CDH8: variants seen among roughly 807,000 people sequenced by gnomAD.
CDH8 encodes the protein cadherin 8.
A neutral mutation model predicts 68.1 loss-of-function variants in CDH8; 17 were observed. The ratio of observed to expected loss-of-function variants is 0.25; its 90% CI spans 0.17 to 0.37. CDH8 has a LOEUF of 0.37. Ranked by LOEUF, CDH8 falls within the 10% of genes least tolerant of loss-of-function variation. CDH8 has a pLI of 1.00. For synonymous variants in CDH8, 372 were observed against 365.1 expected, an observed-to-expected ratio of 1.02 and a Z score of -0.21; for missense variants, 763 against 999.3, an observed-to-expected ratio of 0.76 and a Z score of 3.19.
At chr16:61,739,908 TATATGTA>T (rs202225482) in intron 8 of CDH8, among the ~76,000 whole-genome samples, 1,641 of 81,762 alleles carry the variant, frequency 0.02, 32 homozygotes, top group Non-Finnish European at 0.026. Flanking sequence ...TATATATATA[TATATGTA>T]TTTTTTTTTT....
At chr16:61,681,810 G>A (rs1455497702) in intron 10 of CDH8, among the ~76,000 whole-genome samples, 3 of 151,826 alleles carry the variant, frequency 2.0e-5, no homozygotes, top group Admixed American at 6.6e-5. Flanking sequence ...AGCTAAAATC[G>A]TGATCCTAAA....
At chr16:61,892,918 G>A (rs147214758) in intron 3 of CDH8, among the ~76,000 whole-genome samples, 1 of 152,270 alleles carries the variant, frequency 6.6e-6, no homozygotes, top group African/African-American at 2.4e-5. Flanking sequence ...AGCCTGAGTT[G>A]TCATTTTAGA....
At chr16:61,881,865 A>G (rs1249456880) in intron 3 of CDH8, among the ~76,000 whole-genome samples, 1 of 152,194 alleles carries the variant, frequency 6.6e-6, no homozygotes, top group Non-Finnish European at 1.5e-5. Context: ...GGAAGCATCA[A>G]ATCAGACACT....
At chr16:61,656,206 A>C (rs1044470513) in intron 10 of CDH8, among the ~76,000 whole-genome samples, 1 of 152,142 alleles carries the variant, frequency 6.6e-6, no homozygotes, top group Non-Finnish European at 1.5e-5. Context: ...CAGGACAACC[A>C]TAACAGGTTG....
intron 4 of CDH8, among the ~76,000 whole-genome samples, chr16:61,827,554 C>T (rs1484287233): frequency 6.6e-6 from 1 of 151,836 alleles, no homozygotes; most frequent in African/African-American, 2.4e-5. Context: ...GTCTCTTAGG[C>T]ATTTGGAATT....
chr16:61,917,921 C>CG lies in CDH8; in HGVS notation c.253-16449dup, dbSNP rs541806094. The stretch of plus-strand genomic sequence containing the variant: ...CGTAGAATAGTCCATAGACCCCTGG[C>CG]GATCTCTAAGACTCTTCCCAGGCAA... On this transcript the variant is annotated intron_variant, in intron 2 of 11. Coordinates refer to ENST00000577390, the MANE Select transcript of CDH8 (RefSeq NM_001796.5). 3.5e-3 allele frequency among the ~76,000 whole-genome samples: 509 copies of CG among 144,892 alleles called. 6 individuals carry two copies. Among genetic ancestry groups the CG allele is most frequent in the African/African-American group, 0.013 (483 of 37,774 alleles).
chr16:61,946,576 G>T (rs1374991974), intron 2 of CDH8, among the ~76,000 whole-genome samples: 1 of 152,164 alleles, frequency 6.6e-6, no homozygotes, highest in Non-Finnish European at 1.5e-5. Flanking sequence ...TCTCCTTTGA[G>T]GTAGGCAATA....
At chr16:61,864,823 TTAC>T (rs1476751647) in intron 3 of CDH8, among the ~76,000 whole-genome samples, 2 of 152,168 alleles carry the variant, frequency 1.3e-5, no homozygotes, top group African/African-American at 4.8e-5. Flanking sequence ...CTGCTCTGAA[TTAC>T]AGTTGGTTAA....
At chr16:61,671,211 A>T (rs181917060) in intron 10 of CDH8, among the ~76,000 whole-genome samples, 1 of 152,216 alleles carries the variant, frequency 6.6e-6, no homozygotes, top group African/African-American at 2.4e-5. Context: ...ATTTCTGGGG[A>T]TGGGCCCTGG....
In CDH8 at chr16:61,655,476, G is replaced by A. The variant is rs1963423547; in HGVS notation, c.1900C>T (p.Leu634=). 6.8e-6 allele frequency: 11 copies of A among 1,614,070 alleles called. No individual in the cohort carries two copies. Among genetic ancestry groups the A allele is most frequent in the Non-Finnish European group, 9.3e-6 (11 of 1,179,978 alleles). The part of the protein sequence containing the change: ...LIAILACIIL[L]LVIVVLFVTL... The stretch of plus-strand genomic sequence containing the variant: ...CTATGAAGGAAATACGTACCTAACA[G>A]CAAAATGATGCATGCTAATATGGCA... Residue 634 remains leucine, a synonymous_variant, in exon 11 of 12, where the codon CTG becomes TTG. Coordinates refer to ENST00000577390, the MANE Select transcript of CDH8 (RefSeq NM_001796.5).
chr16:61,983,931 TTTTC>T (rs1965582224), intron 2 of CDH8, among the ~76,000 whole-genome samples: 1 of 141,476 alleles, frequency 7.1e-6, no homozygotes, highest in Non-Finnish European at 1.6e-5. Context: ...TTATTTTATT[TTTTC>T]GAGACGGAAT....
intron 8 of CDH8, among the ~76,000 whole-genome samples, chr16:61,778,691 A>G (rs1161048906): frequency 1.3e-5 from 2 of 152,112 alleles, no homozygotes; most frequent in African/African-American, 4.8e-5. Flanking sequence ...CTATACCCAC[A>G]AGTTTAAAGA....
At chr16:61,697,235 G>T (rs1964344054) in intron 10 of CDH8, among the ~76,000 whole-genome samples, 1 of 152,012 alleles carries the variant, frequency 6.6e-6, no homozygotes, top group Admixed American at 6.6e-5. Context: ...CTTGTCAATG[G>T]GCATGTGGGT....
intron 2 of CDH8, among the ~76,000 whole-genome samples, chr16:61,941,535 C>T (rs1012703609): frequency 2.0e-5 from 3 of 152,134 alleles, no homozygotes; most frequent in Admixed American, 6.5e-5. Flanking sequence ...CTGCAACCTC[C>T]GTCTCCCAAG....
chr16:61,663,330 G>T (rs965005030), intron 10 of CDH8, among the ~76,000 whole-genome samples: 1 of 151,972 alleles, frequency 6.6e-6, no homozygotes, highest in Non-Finnish European at 1.5e-5. Flanking sequence ...TTGTGTAATT[G>T]TGTTTTTCAA....
At chr16:61,695,984 A>T (rs1964318398) in intron 10 of CDH8, among the ~76,000 whole-genome samples, 1 of 152,158 alleles carries the variant, frequency 6.6e-6, no homozygotes, top group African/African-American at 2.4e-5. Flanking sequence ...TATAAAAAAA[A>T]GTTTTCCTGC....
chr16:61,997,003 G>GTA (rs774139358), intron 2 of CDH8, among the ~76,000 whole-genome samples: 1,795 of 149,950 alleles, frequency 0.012, 33 homozygotes, highest in African/African-American at 0.04. Context: ...TTGTGTGTAT[G>GTA]TGTGTGTGTG....
At chr16:61,662,424 TA>T (rs1354788139) in intron 10 of CDH8, among the ~76,000 whole-genome samples, 1 of 151,478 alleles carries the variant, frequency 6.6e-6, no homozygotes, top group Non-Finnish European at 1.5e-5. Context: ...TTTCTAGAAG[TA>T]AAAAATATAT....
intron 7 of CDH8, among the ~76,000 whole-genome samples, chr16:61,790,521 T>C (rs971407522): frequency 6.6e-6 from 1 of 152,006 alleles, no homozygotes; most frequent in Non-Finnish European, 1.5e-5. Flanking sequence ...GCCTTCATGA[T>C]TGAGGTGATG....
Sources: allele counts gnomAD v4.1 joint callset (sites outside exome capture counted in the v4.1 genomes callset), GRCh38; gene constraint gnomAD v4.1.1; transcripts MANE v1.5; gene names NCBI Gene and HGNC (gene_info 2026-07-23, HGNC 2026-07-21).